Variants in LRRC28 observed in about 807,000 individuals in gnomAD.
LRRC28 encodes the protein leucine-rich repeat-containing protein 28.
LRRC28 carries 39 observed loss-of-function variants against 45.7 expected under a neutral mutation model. The observed-to-expected ratio is 0.85, with a 90% CI of 0.66 to 1.12. The LOEUF is 1.12. LRRC28 is among the 50% of genes most tolerant of loss of function. The probability of loss-of-function intolerance (pLI) is 0.00; values close to 1 mark genes in which losing one functional copy is unlikely to be tolerated. For synonymous variants in LRRC28, 206 were observed against 178.8 expected, an observed-to-expected ratio of 1.15 and a Z score of -1.22; for missense variants, 435 against 438.5, an observed-to-expected ratio of 0.99 and a Z score of 0.07.
intron 6 of LRRC28, among the ~76,000 whole-genome samples, chr15:99,337,072 T>C (rs1956349473): frequency 6.6e-6 from 1 of 152,220 alleles, no homozygotes; most frequent in Non-Finnish European, 1.5e-5. Flanking sequence ...CGAATGACTT[T>C]TGTTTGCTGC....
At chr15:99,302,612 G>A (rs1399983801) in intron 5 of LRRC28, among the ~76,000 whole-genome samples, 1 of 152,140 alleles carries the variant, frequency 6.6e-6, no homozygotes, top group Non-Finnish European at 1.5e-5. Flanking sequence ...CATTTTACAT[G>A]TACAGTTAAT....
At chr15:99,355,471 G>T (rs1304538466) in intron 7 of LRRC28, 1 of 152,168 alleles carries the variant, frequency 6.6e-6, no homozygotes, top group East Asian at 1.9e-4. Context: ...GGACCATTGG[G>T]GGCCCACTTG....
At chr15:99,370,703 A>G (rs1957461612) in intron 9 of LRRC28, among the ~76,000 whole-genome samples, 2 of 152,246 alleles carry the variant, frequency 1.3e-5, no homozygotes, top group Admixed American at 6.5e-5. Flanking sequence ...TACAAATGTT[A>G]TTAAGCAAGT....
intron 3 of LRRC28, among the ~76,000 whole-genome samples, chr15:99,280,774 A>G (rs557063391): frequency 2.0e-5 from 3 of 152,008 alleles, no homozygotes; most frequent in Non-Finnish European, 4.4e-5. Flanking sequence ...AAAACTTTTG[A>G]CATTGTTTTT....
intron 9 of LRRC28, among the ~76,000 whole-genome samples, chr15:99,373,419 G>GAT (rs1461671910): frequency 1.3e-5 from 2 of 151,850 alleles, no homozygotes; most frequent in African/African-American, 4.8e-5. Context: ...GTACATAGTA[G>GAT]ATATATATAT....
At chr15:99,383,721 T>C (rs917865712) in intron 9 of LRRC28, among the ~76,000 whole-genome samples, 1 of 152,318 alleles carries the variant, frequency 6.6e-6, no homozygotes, top group African/African-American at 2.4e-5. Context: ...CAAATACATT[T>C]AGGCTTAGGG....
chr15:99,333,832 T>C, intron 5 of LRRC28, 91 bp from the exon 6 acceptor site: 1 of 1,323,496 alleles, frequency 7.6e-7, no homozygotes, highest in South Asian at 1.3e-5. Flanking sequence ...AGCTACTGAT[T>C]TCATTTGGTT....
At chr15:99,327,920 C>G (rs1452100543) in intron 5 of LRRC28, among the ~76,000 whole-genome samples, 3 of 152,022 alleles carry the variant, frequency 2.0e-5, no homozygotes, top group Admixed American at 2.0e-4. Context: ...TTGGTTGTTT[C>G]TATTTGGCAA....
chr15:99,331,232 A>AT (rs994940341), intron 5 of LRRC28, among the ~76,000 whole-genome samples: 47 of 152,134 alleles, frequency 3.1e-4, no homozygotes, highest in African/African-American at 9.6e-4. Flanking sequence ...ATTTTGATGG[A>AT]TTTTTTTCAA....
chr15:99,357,206 T>C (rs1051128126), intron 7 of LRRC28, among the ~76,000 whole-genome samples: 1 of 152,216 alleles, frequency 6.6e-6, no homozygotes, highest in Non-Finnish European at 1.5e-5. Flanking sequence ...TCAAAATTCA[T>C]ACAGCTCTCA....
intron 9 of LRRC28, among the ~76,000 whole-genome samples, chr15:99,382,003 G>C (rs1957842570): frequency 6.6e-6 from 1 of 152,236 alleles, no homozygotes; most frequent in African/African-American, 2.4e-5. Context: ...GGGGCAGTCT[G>C]TCCGTTCTCA....
intron 7 of LRRC28, among the ~76,000 whole-genome samples, chr15:99,360,845 A>G (rs756196246): frequency 1.3e-5 from 2 of 152,182 alleles, no homozygotes; most frequent in African/African-American, 4.8e-5. Context: ...TTTTCCCCAC[A>G]AGTTTATGGA....
At chr15:99,355,780 G>A (rs751836401) in intron 7 of LRRC28, 6 of 148,598 alleles carry the variant, frequency 4.0e-5, no homozygotes, top group Non-Finnish European at 7.4e-5. Flanking sequence ...GCTTTTTATT[G>A]TGTAAATAAG....
intron 2 of LRRC28, chr15:99,258,802 C>T: frequency 1.4e-6 from 1 of 696,930 alleles, no homozygotes; most frequent in Non-Finnish European, 2.7e-6. Flanking sequence ...TTCCACGTGG[C>T]CTATTTGATG....
chr15:99,267,398 G>T (rs577326068), intron 2 of LRRC28, among the ~76,000 whole-genome samples: 1 of 152,190 alleles, frequency 6.6e-6, no homozygotes, highest in African/African-American at 2.4e-5. Flanking sequence ...AGGAGAAACC[G>T]GGAGCGGGAA....
intron 7 of LRRC28, among the ~76,000 whole-genome samples, chr15:99,359,810 A>G (rs1325606132): frequency 6.6e-6 from 1 of 152,242 alleles, no homozygotes; most frequent in Non-Finnish European, 1.5e-5. Flanking sequence ...CTTGATTGGC[A>G]TAAAAGATTA....
chr15:99,341,492 T>C (rs1956511657), intron 6 of LRRC28, among the ~76,000 whole-genome samples: 1 of 152,306 alleles, frequency 6.6e-6, no homozygotes, highest in South Asian at 2.1e-4. Context: ...TTATTTCATG[T>C]GGCTTCTGCA....
intron 5 of LRRC28, among the ~76,000 whole-genome samples, chr15:99,288,509 G>A (rs1168005470): frequency 6.6e-6 from 1 of 150,888 alleles, no homozygotes; most frequent in Non-Finnish European, 1.5e-5. Context: ...AGCCTCCTGA[G>A]TAGCTGAGAT....
At chr15:99,254,389 C>T (rs1161934780) in intron 1 of LRRC28, among the ~76,000 whole-genome samples, 2 of 152,116 alleles carry the variant, frequency 1.3e-5, no homozygotes, top group African/African-American at 2.4e-5. Flanking sequence ...CAGAAAATTA[C>T]AAAACTCATG....
Sources: gnomAD v4.1 joint callset for allele counts (sites outside exome capture counted in the v4.1 genomes callset) on GRCh38, gnomAD v4.1.1 for gene constraint, MANE v1.5 for transcripts, NCBI Gene and HGNC (gene_info 2026-07-23, HGNC 2026-07-21) for gene names.